The following RBFOX1 variants were observed in gnomAD, a reference collection of about 807,000 sequenced individuals.
RBFOX1 encodes the protein RNA binding protein fox-1 homolog 1.
In RBFOX1, 8 loss-of-function variants were observed where a neutral mutation model predicts 57.7. That is an observed-to-expected ratio of 0.14 (90% CI 0.08 to 0.25). RBFOX1 has a LOEUF of 0.25. RBFOX1 is among the 10% of genes least tolerant of loss of function. The probability of loss-of-function intolerance (pLI) is 1.00; values close to 1 mark genes in which losing one functional copy is unlikely to be tolerated. For missense variants in RBFOX1, 611 were observed against 548.5 expected, an observed-to-expected ratio of 1.11 and a Z score of -1.14; for synonymous variants, 326 against 222.4, an observed-to-expected ratio of 1.47 and a Z score of -4.15.
intron 2 of RBFOX1, among the ~76,000 whole-genome samples, chr16:5,534,639 C>T (rs562853389): frequency 2.0e-5 from 3 of 152,158 alleles, no homozygotes; most frequent in African/African-American, 7.2e-5. Context: ...TTTTAGCATG[C>T]TGGCATCCGA....
At chr16:5,818,728 G>C (rs2342748) in intron 3 of RBFOX1, among the ~76,000 whole-genome samples, 100,245 of 152,052 alleles carry the variant, frequency 0.66, 33,262 homozygotes, top group East Asian at 0.72. Flanking sequence ...GAGCTTCAAG[G>C]TATGATTAGG....
intron 7 of RBFOX1, among the ~76,000 whole-genome samples, chr16:7,590,371 G>T (rs548664980): frequency 6.6e-6 from 1 of 151,950 alleles, no homozygotes; most frequent in African/African-American, 2.4e-5. Context: ...TTAATGTATG[G>T]GTGAATAGCA....
At chr16:7,163,338 C>T (rs2078779323) in intron 4 of RBFOX1, among the ~76,000 whole-genome samples, 1 of 152,074 alleles carries the variant, frequency 6.6e-6, no homozygotes, top group African/African-American at 2.4e-5. Context: ...CCTTATCAAT[C>T]CAGAGCAAAG....
intron 1 of RBFOX1, among the ~76,000 whole-genome samples, chr16:6,306,987 C>A (rs1174474608): frequency 6.6e-6 from 1 of 151,918 alleles, no homozygotes; most frequent in African/African-American, 2.4e-5. Context: ...CCTGAAGGCA[C>A]CACCCAAAAA....
rs140136606 is a variant in RBFOX1 at position 6,864,826 on chromosome 16, T to C, written c.-15-187231T>C. ...AGAGACATATGCTACTTGGGTATTT[T>C]GTTGAGGCCATTTCCCTTTTTTTAT... On this transcript the variant is annotated intron_variant, in intron 3 of 15. Coordinates refer to ENST00000550418, the MANE Select transcript of RBFOX1 (RefSeq NM_018723.4). Among the ~76,000 whole-genome samples, 635 of 152,050 alleles carry C rather than the reference T, an allele frequency of 4.2e-3. 3 individuals are homozygous for C. Among genetic ancestry groups the C allele is most frequent in the Non-Finnish European group, 5.4e-3 (367 of 67,994 alleles).
chr16:7,471,652 A>G (rs180930636), intron 4 of RBFOX1, among the ~76,000 whole-genome samples: 1 of 152,232 alleles, frequency 6.6e-6, no homozygotes. Context: ...ACATTAGATC[A>G]AAAAATGGGG....
intron 2 of RBFOX1, among the ~76,000 whole-genome samples, chr16:6,531,344 T>C (rs75608073): frequency 0.037 from 5,582 of 152,248 alleles, 152 homozygotes; most frequent in Non-Finnish European, 0.056. Context: ...CATGGACTCA[T>C]GGCTTTGTGG....
rs549841508 is a variant in RBFOX1, at chr16:6,627,976, C to T, written c.-63-26627C>T. The stretch of plus-strand genomic sequence containing the variant: ...CACTCTCAGCCTCGCTGGATGTCAA[C>T]AGCCATAACCATGTGATTGTTACTG... On this transcript the variant is annotated intron_variant, in intron 2 of 15. Transcript: ENST00000550418. Among the ~76,000 whole-genome samples the T allele has an allele frequency of 3.9e-5, 6 of 152,336 alleles. No individual in the cohort carries two copies. The East Asian group carries it at 1.2e-3, about 29-fold the overall frequency.
chr16:7,085,067 A>G (rs1339081018), intron 4 of RBFOX1, among the ~76,000 whole-genome samples: 1 of 151,890 alleles, frequency 6.6e-6, no homozygotes, highest in South Asian at 2.1e-4. Context: ...ATTATATTGT[A>G]AAAGTTCTAT....
chr16:6,382,543 C>T (rs911352423), intron 2 of RBFOX1, among the ~76,000 whole-genome samples: 1 of 152,128 alleles, frequency 6.6e-6, no homozygotes, highest in Non-Finnish European at 1.5e-5. Context: ...TGAGGAGAAG[C>T]CTAGCTTCAT....
At chr16:6,546,718 C>G (rs770587757) in intron 2 of RBFOX1, among the ~76,000 whole-genome samples, 11 of 152,106 alleles carry the variant, frequency 7.2e-5, no homozygotes, top group Non-Finnish European at 1.5e-4. Flanking sequence ...TACCAGGTAC[C>G]TGAGGTTAAG....
chr16:7,576,146 C>T (rs2093321243), intron 5 of RBFOX1, among the ~76,000 whole-genome samples: 1 of 151,138 alleles, frequency 6.6e-6, no homozygotes, highest in South Asian at 2.1e-4. Flanking sequence ...CACTATGTTG[C>T]AGGCTGGTGT....
rs2093292731 is a variant in RBFOX1, at chr16:6,838,838, C to T, written c.-16+184188C>T. Among the ~76,000 whole-genome samples the T allele has an allele frequency of 2.0e-5, 3 of 152,036 alleles. 1 individual carries two copies. Among genetic ancestry groups the T allele is most frequent in the Admixed American group, 2.0e-4 (3 of 15,268 alleles). On this transcript the variant is annotated intron_variant, in intron 3 of 15. Coordinates refer to ENST00000550418, the MANE Select transcript of RBFOX1 (RefSeq NM_018723.4). ...CATTCTCAGCTTTCTCAGGTGCTTC[C>T]CCGTCATACTCTGAAGGAAAATCAC...
intron 3 of RBFOX1, among the ~76,000 whole-genome samples, chr16:7,036,178 C>A (rs2044359451): frequency 6.7e-6 from 1 of 149,998 alleles, no homozygotes; most frequent in African/African-American, 2.4e-5. Flanking sequence ...AGAATTGGTC[C>A]CATGGGACTT....
In RBFOX1 at chr16:7,535,829, A is replaced by G. The variant is rs1053584591; in HGVS notation, c.270+17440A>G. ...TTGAGGGTACCACTGTGCCTTATTC[A>G]TCACTTTTATTCTCAGTGTTAGGCA... On this transcript the variant is annotated intron_variant, in intron 5 of 15. Coordinates refer to ENST00000550418, the MANE Select transcript of RBFOX1 (RefSeq NM_018723.4). 2.6e-5 allele frequency among the ~76,000 whole-genome samples: 4 copies of G among 152,350 alleles called. No individual in the cohort carries two copies. In the East Asian group the frequency reaches 5.8e-4, roughly 22 times the overall value.
chr16:7,582,510 G>C (rs1323801969), intron 6 of RBFOX1, among the ~76,000 whole-genome samples: 1 of 152,122 alleles, frequency 6.6e-6, no homozygotes, highest in Admixed American at 6.5e-5. Flanking sequence ...CCAAACACCG[G>C]TGGTCATGGA....
intron 3 of RBFOX1, among the ~76,000 whole-genome samples, chr16:5,821,288 CTTTTTTTA>C (rs1203696012): frequency 9.6e-5 from 12 of 125,450 alleles, no homozygotes; most frequent in African/African-American, 2.8e-4. Context: ...GTCATTCTCT[CTTTTTTTA>C]TTTTTTTTTT....
In RBFOX1 at chr16:6,700,696, A is replaced by T. The variant is rs192862650; in HGVS notation, c.-16+46046A>T. On this transcript the variant is annotated intron_variant, in intron 3 of 15. Coordinates refer to ENST00000550418, the MANE Select transcript of RBFOX1 (RefSeq NM_018723.4). ...TAATAATAATTTTTTAAAAATTACC[A>T]TAAGTAGATTCGTGAAACCGAGTCA... 1.1e-3 allele frequency among the ~76,000 whole-genome samples: 162 copies of T among 152,332 alleles called. 1 individual carries two copies. Among genetic ancestry groups the T allele is most frequent in the African/African-American group, 3.8e-3 (160 of 41,584 alleles).
intron 4 of RBFOX1, among the ~76,000 whole-genome samples, chr16:7,424,183 AT>A (rs987300587): frequency 8.6e-5 from 13 of 151,822 alleles, no homozygotes; most frequent in South Asian, 2.1e-4. Flanking sequence ...GATTTTTGTC[AT>A]TTTTTTTAAA....
Sources: gnomAD v4.1 joint callset for allele counts (sites outside exome capture counted in the v4.1 genomes callset) on GRCh38, gnomAD v4.1.1 for gene constraint, MANE v1.5 for transcripts, NCBI Gene and HGNC (gene_info 2026-07-23, HGNC 2026-07-21) for gene names.